SOS1: variants seen among roughly 807,000 people sequenced by gnomAD.
SOS1 encodes the protein son of sevenless homolog 1.
In SOS1, 25 loss-of-function variants were observed where a neutral mutation model predicts 157.6. That is an observed-to-expected ratio of 0.16 (90% confidence interval 0.12 to 0.22). The LOEUF (loss-of-function observed/expected upper bound fraction) is 0.22. Among genes scored for constraint, SOS1 ranks in the 10% least tolerant of loss-of-function variants. The probability of loss-of-function intolerance (pLI) is 1.00; values close to 1 mark genes in which losing one functional copy is unlikely to be tolerated. For missense variants in SOS1, 1,237 were observed against 1,599.1 expected, an observed-to-expected ratio of 0.77 and a Z score of 3.86; for synonymous variants, 528 against 534.0, an observed-to-expected ratio of 0.99 and a Z score of 0.16.
chr2:39,122,451 C>T (rs1241652556), upstream of SOS1, among the ~76,000 whole-genome samples: 48 of 128,962 alleles, frequency 3.7e-4, no homozygotes, highest in East Asian at 2.3e-3. Context: ...AAAATATACA[C>T]ACACACACAC....
intron 10 of SOS1, among the ~76,000 whole-genome samples, chr2:39,015,412 T>C (rs545747655): frequency 1.3e-5 from 2 of 152,204 alleles, no homozygotes; most frequent in African/African-American, 2.4e-5. Context: ...CAAATACTTA[T>C]AAGCTATTAA....
chr2:39,086,816 GTTC>G (rs1672392578), intron 1 of SOS1, among the ~76,000 whole-genome samples: 1 of 151,892 alleles, frequency 6.6e-6, no homozygotes, highest in Non-Finnish European at 1.5e-5. Flanking sequence ...TTGCGTTGTT[GTTC>G]TTTTTTTTTT....
chr2:39,093,721 T>C (rs1434884010), intron 1 of SOS1, among the ~76,000 whole-genome samples: 4 of 152,102 alleles, frequency 2.6e-5, no homozygotes, highest in Admixed American at 6.5e-5. Context: ...AGAGAGATAG[T>C]AGGAGGCCAG....
chr2:39,079,900 G>C (rs201395621), intron 1 of SOS1, among the ~76,000 whole-genome samples: 2 of 152,092 alleles, frequency 1.3e-5, no homozygotes, highest in South Asian at 4.1e-4. Flanking sequence ...TGGTTTTGTG[G>C]AAGACAATTT....
intron 1 of SOS1, among the ~76,000 whole-genome samples, chr2:39,090,893 G>C (rs1672568697): frequency 1.3e-5 from 2 of 151,972 alleles, no homozygotes; most frequent in African/African-American, 4.8e-5. Context: ...TTTTGAAACA[G>C]AGTCTCATTC....
Position 38,995,136 on chromosome 2 carries a change from G to T in SOS1, c.3333C>A (p.Ser1111Arg). Residue 1111 changes from serine (S) to arginine (R), a missense_variant, in exon 20 of 23, where the codon AGC becomes AGA. This residue lies in a region of SOS1 where 306 missense variants were observed against 322.6 expected (regional missense o/e 0.95). Transcript: ENST00000402219. Reference protein sequence around the residue: ...VCSVFDSDHSSPFHSSNDTVF... With the variant: ...VCSVFDSDHSRPFHSSNDTVF... ...TTTTGCACCTACTTGAGTGAAAAGG[G>T]CTCGAATGATCGGAATCAAATACAC... 1 of 1,613,866 alleles carries T rather than the reference G, an allele frequency of 6.2e-7. No homozygotes were observed. Among genetic ancestry groups the T allele is most frequent in the Non-Finnish European group, 8.5e-7 (1 of 1,179,846 alleles).
chr2:39,010,777 G>T, intron 14 of SOS1, 74 bp from the exon 15 acceptor site: 2 of 1,260,708 alleles, frequency 1.6e-6, no homozygotes, highest in African/African-American at 1.5e-5. Context: ...AAGTAAAGGA[G>T]ACAAATAAAA....
At position 39,056,835 on chromosome 2, in the gene SOS1, A is replaced by G; in HGVS notation, c.377T>C (p.Val126Ala). ...EVLGYKIDHQ[V>A]SVYIVAVLEY... ...TAAGACTGCTACTATGTAAACAGAA[A>G]CCTGGTGGTCAATTTTATAACCTAG... Residue 126 changes from valine (V) to alanine (A), a missense_variant, in exon 4 of 23, where the codon GTT (valine) becomes GCT (alanine). Val to Ala is a moderately conservative substitution (Grantham distance 64, BLOSUM62 0). Coordinates refer to ENST00000402219, the MANE Select transcript of SOS1 (RefSeq NM_005633.4). 6.2e-7 allele frequency: 1 copy of G among 1,610,908 alleles called. No homozygotes were observed. Among genetic ancestry groups the G allele is most frequent in the Non-Finnish European group, 8.5e-7 (1 of 1,177,298 alleles).
At chr2:39,055,899 T>C (rs1671195965) in intron 4 of SOS1, among the ~76,000 whole-genome samples, 1 of 152,148 alleles carries the variant, frequency 6.6e-6, no homozygotes, top group African/African-American at 2.4e-5. Flanking sequence ...TTATAAAATG[T>C]AGCTAAGATC....
chr2:39,074,093 T>C (rs749977568), intron 1 of SOS1, among the ~76,000 whole-genome samples: 1 of 151,958 alleles, frequency 6.6e-6, no homozygotes, highest in Non-Finnish European at 1.5e-5. Context: ...CCTACGCCTG[T>C]AATCCCAGCA....
intron 1 of SOS1, among the ~76,000 whole-genome samples, chr2:39,108,884 C>A (rs1380484997): frequency 1.3e-5 from 2 of 148,436 alleles, no homozygotes; most frequent in East Asian, 2.0e-4. Flanking sequence ...CAGAGTAAGA[C>A]CTGGTGTCTT....
chr2:38,988,606 C>G (rs983531844), intron 21 of SOS1, among the ~76,000 whole-genome samples: 5 of 151,968 alleles, frequency 3.3e-5, no homozygotes, highest in Non-Finnish European at 5.9e-5. Flanking sequence ...TTTTGATCAC[C>G]TACCTTTTTT....
At chr2:39,068,440 T>C (rs963066221) in intron 1 of SOS1, among the ~76,000 whole-genome samples, 2 of 152,210 alleles carry the variant, frequency 1.3e-5, no homozygotes, top group Admixed American at 1.3e-4. Flanking sequence ...TATGGGCCTC[T>C]GACTGTTGTT....
In SOS1 at chr2:39,098,047, T is replaced by C. The variant is rs147566769; in HGVS notation, c.87+22289A>G. ...GCATCATTAGTTTAGATATCATTAG[T>C]TTATTACAAAAGAAAGACATGAAAA... On this transcript the variant is annotated intron_variant, in intron 1 of 22. Transcript: ENST00000402219. The C allele has an allele frequency of 2.5e-3, 389 of 152,656 alleles. 1 individual carries two copies. Among genetic ancestry groups the C allele is most frequent in the Non-Finnish European group, 4.4e-3 (301 of 68,224 alleles). 9.5% of individuals were successfully genotyped at this position (152,656 alleles called of 1,614,324 possible).
At position 39,073,355 on chromosome 2, in the gene SOS1, C is replaced by CA. The variant is rs969150085; in HGVS notation, c.88-5603dup. On this transcript the variant is annotated intron_variant, in intron 1 of 22. Transcript: ENST00000402219. ...ACTTTTGCACCAACCTAATAGTTTTCAAAAAACATTACATTTTATACTTAT... is the reference window on the plus strand; with the variant it reads ...ACTTTTGCACCAACCTAATAGTTTTCAAAAAAACATTACATTTTATACTTAT... 1.6e-3 allele frequency among the ~76,000 whole-genome samples: 246 copies of CA among 152,106 alleles called. 1 individual carries two copies. Among genetic ancestry groups the CA allele is most frequent in the Middle Eastern group, 3.4e-3 (1 of 294 alleles).
At position 38,997,364 on chromosome 2, in the gene SOS1, A is replaced by G. The variant is rs747320483; in HGVS notation, c.2853T>C (p.His951=). The change falls in exon 18 of 23, where the codon CAT becomes CAC. Residue 951 remains histidine, a synonymous_variant. Transcript: ENST00000402219. ...EEGNPEVLKR[H]GKELINFSKR... ...TGCTAAAGTTTATAAGCTCTTTTCC[A>G]TGTCTTTTTAGGACCTCAGGGTTGC... 3.1e-6 allele frequency: 5 copies of G among 1,612,674 alleles called. No individual in the cohort carries two copies. The Admixed American group carries it at 5.0e-5, about 16-fold the overall frequency.
chr2:39,119,700 G>C (rs917054021), intron 1 of SOS1, among the ~76,000 whole-genome samples: 2 of 151,306 alleles, frequency 1.3e-5, no homozygotes, highest in African/African-American at 4.8e-5. Context: ...ACATACAAAG[G>C]CTAAAAATTC....
intron 8 of SOS1, among the ~76,000 whole-genome samples, 182 bp downstream of exon 8, chr2:39,035,030 C>A (rs1293987929): frequency 2.0e-5 from 3 of 152,052 alleles, no homozygotes; most frequent in Non-Finnish European, 4.4e-5. Flanking sequence ...ATAAAATTCA[C>A]TACTAAGACG....
chr2:39,066,626 A>G (rs1572866696), intron 2 of SOS1, among the ~76,000 whole-genome samples: 1 of 152,178 alleles, frequency 6.6e-6, no homozygotes, highest in Admixed American at 6.5e-5. Context: ...ATATCACATT[A>G]TGTTACTGAC....
Sources: allele counts gnomAD v4.1 joint callset (sites outside exome capture counted in the v4.1 genomes callset), GRCh38; gene constraint gnomAD v4.1.1; regional missense constraint gnomAD v4.1.1; transcripts MANE v1.5; gene names NCBI Gene and HGNC (gene_info 2026-07-23, HGNC 2026-07-21).